Variants in AGO4 observed in about 807,000 individuals in gnomAD.
AGO4 encodes protein argonaute-4.
In AGO4, 33 loss-of-function variants were observed where a neutral mutation model predicts 104.7. The observed-to-expected ratio is 0.32, with a 90% CI of 0.24 to 0.42. AGO4 has a LOEUF of 0.42. Ranked by LOEUF, AGO4 falls within the 10% of genes least tolerant of loss-of-function variation. The pLI is 1.00. For missense variants in AGO4, 711 were observed against 1,083.4 expected (o/e 0.66, Z 4.83); for synonymous variants, 331 against 364.7 (o/e 0.91, Z 1.05).
intron 15 of AGO4, among the ~76,000 whole-genome samples, chr1:35,844,843 C>A (rs1286973303): frequency 3.3e-5 from 5 of 152,198 alleles, no homozygotes; most frequent in Admixed American, 3.3e-4. Flanking sequence ...GCTACCTTAT[C>A]TTTTCTTCCT....
chr1:35,850,971 G>A lies in AGO4; in HGVS notation c.2395G>A (p.Val799Ile). ...CACCTATGTGAGGTGCACTCGCTCA[G>A]TCTCTATTCCAGCCCCTGCATATTA... is the stretch of plus-strand genomic sequence containing the variant. ...CHTYVRCTRSVSIPAPAYYAR... is the reference protein window; with the variant it reads ...CHTYVRCTRSISIPAPAYYAR... Residue 799 changes from valine (V) to isoleucine (I), a missense_variant, in exon 17 of 18, where the codon GTC (valine) becomes ATC (isoleucine). Physicochemically the swap from Val to Ile is conservative, Grantham distance 29. Transcript: ENST00000373210. 1.9e-6 allele frequency: 3 copies of A among 1,613,982 alleles called. No individual in the cohort carries two copies. Among genetic ancestry groups the A allele is most frequent in the Non-Finnish European group, 2.5e-6 (3 of 1,179,970 alleles).
rs1312531303 is a variant in AGO4, at chr1:35,845,114, T to C, written c.2175+3364T>C. ...TTACTACCCACCTTTGTAATCAGAC[T>C]TTTTTTTTTTTTTTTTTGAAATGGA... On this transcript the variant is annotated intron_variant, in intron 15 of 17. Transcript: ENST00000373210. Among the ~76,000 whole-genome samples the C allele has an allele frequency of 8.9e-4, 5 of 5,628 alleles. No individual in the cohort carries two copies. The South Asian group carries it at 0.038, about 43-fold the overall frequency. The allele number at this position is 5,628 out of a possible 152,430, so 3.7% of individuals were successfully genotyped here.
chr1:35,827,086 C>G (rs554651410), intron 7 of AGO4, among the ~76,000 whole-genome samples: 1 of 151,738 alleles, frequency 6.6e-6, no homozygotes, highest in Admixed American at 6.6e-5. Flanking sequence ...CCTGTAACAC[C>G]AGGTACTCGG....
intron 17 of AGO4, 75 bp downstream of exon 17, chr1:35,851,128 CTT>C: frequency 7.1e-7 from 1 of 1,415,630 alleles, no homozygotes; most frequent in Non-Finnish European, 9.6e-7. Context: ...CAATAGAAAA[CTT>C]TTTTAAGGAT....
intron 12 of AGO4, among the ~76,000 whole-genome samples, chr1:35,834,844 C>T (rs1299743982): frequency 2.0e-5 from 3 of 151,820 alleles, no homozygotes; most frequent in Non-Finnish European, 2.9e-5. Context: ...TACAGGTGCC[C>T]ACAACCACGC....
At chr1:35,818,291 T>TG (rs1381322188) in intron 2 of AGO4, among the ~76,000 whole-genome samples, 6 of 152,212 alleles carry the variant, frequency 3.9e-5, no homozygotes, top group Admixed American at 1.3e-4. Context: ...GATATCTGCA[T>TG]GAAGAGTGTC....
At chr1:35,826,964 G>C (rs1218802834) in intron 7 of AGO4, 129 bp downstream of exon 7, 1 of 881,424 alleles carries the variant, frequency 1.1e-6, no homozygotes, top group Non-Finnish European at 1.7e-6. Context: ...CACTTTGAGA[G>C]GCCGAGGTAG....
At position 35,808,132 on chromosome 1, in the gene AGO4, C is replaced by G. The variant is rs1424917599; in HGVS notation, c.-285C>G. 1.3e-5 allele frequency: 2 copies of G among 155,194 alleles called. No individual in the cohort carries two copies. Among genetic ancestry groups the G allele is most frequent in the Non-Finnish European group, 2.8e-5 (2 of 71,994 alleles). The allele number at this position is 155,194 out of a possible 1,614,324, so 9.6% of individuals were successfully genotyped here. ...GCGCACCCCGCGCCCCCTTCCCTCC[C>G]GGCGGGCGCGCGCGCTGGCTCCCGC... On this transcript the variant is annotated 5_prime_UTR_variant, in exon 1 of 18. Coordinates refer to ENST00000373210, the MANE Select transcript of AGO4 (RefSeq NM_017629.4). This position sits in a 1 kb window ranked among gnomAD's most constrained non-coding sequence, Gnocchi z 5.2.
At chr1:35,826,106 C>G (rs1557559590) in intron 6 of AGO4, 46 bp downstream of exon 6, 1 of 1,604,142 alleles carries the variant, frequency 6.2e-7, no homozygotes, top group Non-Finnish European at 8.5e-7. Flanking sequence ...GCTCAGCATG[C>G]TGCACGTTGC....
At chr1:35,850,060 T>C in intron 15 of AGO4, 97 bp from the exon 16 acceptor site, 2 of 735,212 alleles carry the variant, frequency 2.7e-6, no homozygotes, top group Non-Finnish European at 4.6e-6. Flanking sequence ...TTAAGAGACA[T>C]TTACCAACTT....
At chr1:35,852,943 C>T (rs1644736635) in intron 17 of AGO4, among the ~76,000 whole-genome samples, 2 of 152,142 alleles carry the variant, frequency 1.3e-5, no homozygotes, top group South Asian at 2.1e-4. Context: ...TTAATTCTTG[C>T]AGCAGCTCAT....
In AGO4 at chr1:35,850,141, T is replaced by C; in HGVS notation, c.2176-16T>C. On this transcript the variant is annotated splice_polypyrimidine_tract_variant and intron_variant, in intron 15 of 17. Coordinates refer to ENST00000373210, the MANE Select transcript of AGO4 (RefSeq NM_017629.4). Reference sequence around the variant, plus strand: ...TGGCACTTTGATGACTAATTACTTTTTTTTGTTTTTTGTAGGTAGGGAAAA... The same window carrying C: ...TGGCACTTTGATGACTAATTACTTTCTTTTGTTTTTTGTAGGTAGGGAAAA... 1 of 1,553,870 alleles carries C rather than the reference T, an allele frequency of 6.4e-7. No homozygotes were observed. Among genetic ancestry groups the C allele is most frequent in the African/African-American group, 1.4e-5 (1 of 71,886 alleles).
chr1:35,808,383 CG>C lies in AGO4; in HGVS notation c.-30del, dbSNP rs1367778654. The C allele has an allele frequency of 2.8e-6, 3 of 1,076,132 alleles. No homozygotes were observed. The highest frequency in any genetic ancestry group is 2.2e-6 in the Non-Finnish European group (2 of 890,812). 66.7% of individuals were successfully genotyped at this position (1,076,132 alleles called of 1,614,324 possible). On this transcript the variant is annotated 5_prime_UTR_variant, in exon 1 of 18. Coordinates refer to ENST00000373210, the MANE Select transcript of AGO4 (RefSeq NM_017629.4). The surrounding 1 kb of genome is among the most constrained non-coding windows in gnomAD (Gnocchi z 5.2). ...CGGCGGGGCCCGGAGCGGGAGGCGC[CG>C]GGGACCGGGGCGAGGCGGCCCCCGC...
chr1:35,819,545 T>C (rs571515950), intron 2 of AGO4, among the ~76,000 whole-genome samples: 2 of 151,900 alleles, frequency 1.3e-5, no homozygotes, highest in African/African-American at 2.4e-5. Context: ...CTGGCTAATA[T>C]GGTGAAACCC....
intron 17 of AGO4, among the ~76,000 whole-genome samples, chr1:35,851,775 A>G (rs982214630): frequency 6.6e-6 from 1 of 152,204 alleles, no homozygotes; most frequent in Non-Finnish European, 1.5e-5. Context: ...TGTACCTTCC[A>G]TTCCGTAATG....
At chr1:35,816,583 G>A (rs1643705234) in intron 1 of AGO4, among the ~76,000 whole-genome samples, 2 of 151,854 alleles carry the variant, frequency 1.3e-5, no homozygotes, top group Non-Finnish European at 2.9e-5. Flanking sequence ...GGTGGATCAC[G>A]AGGTCAGGAG....
intron 16 of AGO4, among the ~76,000 whole-genome samples, chr1:35,850,610 T>A (rs916812453): frequency 6.6e-6 from 1 of 151,036 alleles, no homozygotes; most frequent in Non-Finnish European, 1.5e-5. Flanking sequence ...TGAAACCCCA[T>A]CTCTACTAAA....
In AGO4 at chr1:35,825,484, C is replaced by G. The variant is rs1192901980; in HGVS notation, c.478C>G (p.Pro160Ala). ...QALDVITRHL[P>A]SMRYTPVGRS... ...ACTTGATGTTATCACAAGACACCTT[C>G]CCTCCATGAGGTTAGTACCTTGGTT... Residue 160 changes from proline (P) to alanine (A), a missense_variant, in exon 4 of 18, where the codon CCC (proline) becomes GCC (alanine). Physicochemically the swap from Pro to Ala is conservative, Grantham distance 27. Coordinates refer to ENST00000373210, the MANE Select transcript of AGO4 (RefSeq NM_017629.4). 3 of 1,614,074 alleles carry G rather than the reference C, an allele frequency of 1.9e-6. No homozygotes were observed. The highest frequency in any genetic ancestry group is 1.1e-5 in the South Asian group (1 of 91,064).
rs376648938 is a variant in AGO4, at chr1:35,825,970, A to C, written c.670A>C (p.Met224Leu). ...FYRAQPIIEF[M>L]CEVLDIQNIN... ...CCGGGCTCAGCCTATCATTGAGTTC[A>C]TGTGTGAGGTTTTAGACATTCAGAA... The change falls in exon 6 of 18, where the codon ATG becomes CTG. Residue 224 changes from methionine to leucine, a missense_variant. Physicochemically the swap from Met to Leu is conservative, Grantham distance 15 (BLOSUM62 2). This residue lies in a region of AGO4 where 308 missense variants were observed against 397.8 expected (regional missense o/e 0.77). Coordinates refer to ENST00000373210, the MANE Select transcript of AGO4 (RefSeq NM_017629.4). The C allele has an allele frequency of 2.5e-6, 4 of 1,614,010 alleles. No homozygotes were observed. The African/African-American group carries it at 4.0e-5, about 16-fold the overall frequency.
Sources: allele counts gnomAD v4.1 joint callset (sites outside exome capture counted in the v4.1 genomes callset), GRCh38; gene constraint gnomAD v4.1.1; regional missense constraint gnomAD v4.1.1; non-coding constraint Gnocchi (gnomAD v3.1); transcripts MANE v1.5; gene names NCBI Gene and HGNC (gene_info 2026-07-23, HGNC 2026-07-21).